The following TCEA1 variants were observed in gnomAD, a reference collection of about 807,000 sequenced individuals.
TCEA1 encodes transcription elongation factor A protein 1.
Under a neutral mutation model 43.8 loss-of-function variants are expected in TCEA1, and 21 were observed. The observed-to-expected ratio is 0.48, with a 90% CI of 0.34 to 0.69. The LOEUF (loss-of-function observed/expected upper bound fraction) is 0.69, where lower values mean the gene tolerates loss of function less well. TCEA1 is among the 30% of genes least tolerant of loss of function. The pLI, the probability that TCEA1 is intolerant of heterozygous loss-of-function variation, is 0.01. For synonymous variants in TCEA1, 104 were observed against 117.5 expected (o/e 0.88, Z 0.75); for missense variants, 250 against 365.1 (o/e 0.68, Z 2.57).
chr8:54,004,078 T>C (rs1804362937), intron 2 of TCEA1, among the ~76,000 whole-genome samples: 2 of 152,142 alleles, frequency 1.3e-5, no homozygotes, highest in Non-Finnish European at 1.5e-5. Context: ...AAATTAAAGC[T>C]ACAATGAAAT....
At chr8:54,005,687 C>A (rs1035494478) in intron 2 of TCEA1, among the ~76,000 whole-genome samples, 1 of 152,082 alleles carries the variant, frequency 6.6e-6, no homozygotes, top group Non-Finnish European at 1.5e-5. Flanking sequence ...TTAACAAATT[C>A]CCCTTCTCTC....
chr8:53,976,442 G>A (rs1259455580), intron 8 of TCEA1, among the ~76,000 whole-genome samples: 2 of 152,124 alleles, frequency 1.3e-5, no homozygotes, highest in Admixed American at 6.5e-5. Context: ...CTCCTCTTGG[G>A]TACGTAGTAA....
chr8:53,993,826 G>C, intron 3 of TCEA1, 71 bp from the exon 4 acceptor site: 1 of 1,219,656 alleles, frequency 8.2e-7, no homozygotes, highest in East Asian at 2.3e-5. Context: ...GCGTTAACAG[G>C]CTATTTGCAC....
chr8:53,967,138 A>G lies in TCEA1; in HGVS notation c.*966T>C, dbSNP rs1803010028. On this transcript the variant is annotated 3_prime_UTR_variant, in exon 10 of 10. Coordinates refer to ENST00000521604, the MANE Select transcript of TCEA1 (RefSeq NM_006756.4). ...AAAATTATTTTCTATCAGTCTCCAC[A>G]TGGAAAGACCACAGCTTTAATGAAT... 4.7e-6 allele frequency: 1 copy of G among 211,542 alleles called. No individual in the cohort carries two copies. The highest frequency in any genetic ancestry group is 9.6e-6 in the Non-Finnish European group (1 of 104,152). The allele number at this position is 211,542 out of a possible 1,614,324, so 13.1% of individuals were successfully genotyped here.
intron 2 of TCEA1, among the ~76,000 whole-genome samples, chr8:54,000,846 C>T (rs1272039157): frequency 6.6e-6 from 1 of 151,570 alleles, no homozygotes; most frequent in Non-Finnish European, 1.5e-5. Flanking sequence ...CTGCAACCTC[C>T]ACCTCCTGGT....
At chr8:53,986,519 C>T (rs1024920624) in intron 6 of TCEA1, among the ~76,000 whole-genome samples, 2 of 152,108 alleles carry the variant, frequency 1.3e-5, no homozygotes, top group Admixed American at 1.3e-4. Flanking sequence ...CGAGATACAC[C>T]CAATGTTCTC....
At chr8:54,004,061 G>A (rs1414168363) in intron 2 of TCEA1, among the ~76,000 whole-genome samples, 1 of 152,034 alleles carries the variant, frequency 6.6e-6, no homozygotes, top group Non-Finnish European at 1.5e-5. Context: ...AGACATTATG[G>A]AAATAAAAAT....
chr8:53,997,420 A>G (rs1249864703), intron 3 of TCEA1, among the ~76,000 whole-genome samples: 2 of 152,166 alleles, frequency 1.3e-5, no homozygotes, highest in Non-Finnish European at 2.9e-5. Context: ...TAGCTACAAG[A>G]GGAAAAACAA....
chr8:53,975,556 G>A (rs866131157), intron 8 of TCEA1, among the ~76,000 whole-genome samples: 6 of 152,170 alleles, frequency 3.9e-5, no homozygotes, highest in Admixed American at 3.9e-4. Flanking sequence ...TTATCCAGCC[G>A]TAAAAAGTAG....
At chr8:54,008,661 T>TA (rs60281426) in intron 2 of TCEA1, among the ~76,000 whole-genome samples, 138 of 132,358 alleles carry the variant, frequency 1.0e-3, no homozygotes, top group Non-Finnish European at 1.2e-3. Context: ...GACCTTATCT[T>TA]AAAAAAAAAA....
intron 9 of TCEA1, among the ~76,000 whole-genome samples, chr8:53,968,357 A>G (rs955983749): frequency 7.1e-6 from 1 of 141,826 alleles, no homozygotes; most frequent in Non-Finnish European, 1.5e-5. Context: ...ATACCTCTTT[A>G]TAATGTTTTT....
intron 1 of TCEA1, among the ~76,000 whole-genome samples, chr8:54,018,245 C>T (rs1804901849): frequency 6.6e-6 from 1 of 152,122 alleles, no homozygotes; most frequent in Admixed American, 6.6e-5. Context: ...AATTTAATTC[C>T]ACTCAACCTT....
rs565919293 is a variant in TCEA1, at chr8:53,990,509, G to A, written c.321-2250C>T. Among the ~76,000 whole-genome samples the A allele has an allele frequency of 2.0e-5, 3 of 152,072 alleles. No homozygotes were observed. The East Asian group carries it at 5.8e-4, about 29-fold the overall frequency. On this transcript the variant is annotated intron_variant, in intron 4 of 9. Transcript: ENST00000521604. Reference sequence around the variant, plus strand: ...CCCAAGTAGCTGGGACCACAGGCATGTGCCATCACACCTGTCTAATGCTTT... The same window carrying A: ...CCCAAGTAGCTGGGACCACAGGCATATGCCATCACACCTGTCTAATGCTTT...
intron 6 of TCEA1, among the ~76,000 whole-genome samples, chr8:53,984,860 C>A (rs559539248): frequency 6.6e-6 from 1 of 151,188 alleles, no homozygotes; most frequent in East Asian, 1.9e-4. Flanking sequence ...CCAGCCTGGG[C>A]GACAGAGGGA....
At chr8:53,973,939 CCAAGA>C in intron 8 of TCEA1, 1 of 198,994 alleles carries the variant, frequency 5.0e-6, no homozygotes, top group Non-Finnish European at 1.0e-5. Flanking sequence ...CTTTGGGAGG[CCAAGA>C]TGGGTGGATC....
Position 53,984,481 on chromosome 8 carries a change from T to C in TCEA1, c.560A>G (p.Tyr187Cys), listed in dbSNP as rs1204359915. 1.9e-6 allele frequency: 3 copies of C among 1,598,744 alleles called. No homozygotes were observed. In the South Asian group the frequency reaches 3.4e-5, roughly 18 times the overall value. Reference protein sequence around the residue: ...YQEIRNTDMKYKNRVRSRISN... With the variant: ...YQEIRNTDMKCKNRVRSRISN... ...TATCCTACTTCGTACTCTATTTTTGTATTTCATGTCTGTATTCCTTATTTC... is the reference window on the plus strand; with the variant it reads ...TATCCTACTTCGTACTCTATTTTTGCATTTCATGTCTGTATTCCTTATTTC... Residue 187 changes from tyrosine (Y) to cysteine (C), a missense_variant, in exon 7 of 10, where the codon TAC becomes TGC. This residue lies in a region of TCEA1 where 147 missense variants were observed against 160.3 expected (regional missense o/e 0.92). Transcript: ENST00000521604.
chr8:53,987,037 CAT>C lies in TCEA1; in HGVS notation c.467-14_467-13del. ...TGCAATGTAGTCATCTAAAAATAGG[CAT>C]AAAGAATTGTCAAATTATTGTAACA... On this transcript the variant is annotated splice_polypyrimidine_tract_variant and intron_variant, in intron 5 of 9. Coordinates refer to ENST00000521604, the MANE Select transcript of TCEA1 (RefSeq NM_006756.4). The C allele has an allele frequency of 1.3e-6, 2 of 1,582,226 alleles. No homozygotes were observed. Among genetic ancestry groups the C allele is most frequent in the Non-Finnish European group, 1.7e-6 (2 of 1,165,922 alleles).
At position 53,966,703 on chromosome 8, in the gene TCEA1, T is replaced by C. The variant is rs151264761; in HGVS notation, c.*1401A>G. On this transcript the variant is annotated 3_prime_UTR_variant, in exon 10 of 10. Transcript: ENST00000521604. ...AATCTTCAACTATGAACTGACAAAA[T>C]AGAGGTGAGTTGGTACCAGTGGGCC... 3.0e-3 allele frequency: 582 copies of C among 196,308 alleles called. 3 individuals are homozygous for C. Among genetic ancestry groups the C allele is most frequent in the African/African-American group, 0.013 (561 of 43,402 alleles). 12.2% of individuals were successfully genotyped at this position (196,308 alleles called of 1,614,324 possible).
intron 3 of TCEA1, 189 bp downstream of exon 3, chr8:53,999,756 T>G (rs1804193651): frequency 2.2e-6 from 1 of 456,488 alleles, no homozygotes; most frequent in African/African-American, 2.0e-5. Context: ...CAAATTTGAC[T>G]GGCCTAAAAG....
Sources: allele counts gnomAD v4.1 joint callset (sites outside exome capture counted in the v4.1 genomes callset), GRCh38; gene constraint gnomAD v4.1.1; regional missense constraint gnomAD v4.1.1; transcripts MANE v1.5; gene names NCBI Gene and HGNC (gene_info 2026-07-23, HGNC 2026-07-21).